Variants in CADPS observed in about 807,000 individuals in gnomAD.
The protein encoded by CADPS is calcium-dependent secretion activator 1.
A neutral mutation model predicts 167.3 loss-of-function variants in CADPS; 57 were observed. The observed-to-expected ratio is 0.34, with a 90% CI of 0.28 to 0.42. The LOEUF (loss-of-function observed/expected upper bound fraction) is 0.42. Ranked by LOEUF, CADPS falls within the 20% of genes least tolerant of loss-of-function variation. The probability of loss-of-function intolerance (pLI) is 1.00; values close to 1 mark genes in which losing one functional copy is unlikely to be tolerated. For synonymous variants in CADPS, 676 were observed against 635.3 expected (o/e 1.06, Z -0.96); for missense variants, 1,414 against 1,738.1 (o/e 0.81, Z 3.32).
rs548821927 is a variant in CADPS at position 62,603,660 on chromosome 3, T to C, written c.1326-10912A>G. Among the ~76,000 whole-genome samples, 12 of 152,310 alleles carry C rather than the reference T, an allele frequency of 7.9e-5. No individual in the cohort carries two copies. In the East Asian group the frequency reaches 2.3e-3, roughly 29 times the overall value. On this transcript the variant is annotated intron_variant, in intron 6 of 29. Coordinates refer to ENST00000383710, the MANE Select transcript of CADPS (RefSeq NM_003716.4). ...GGTATTTGATTTTTAGCATTTCCTT[T>C]TGATTCTTTCTTAGAGCTTCCATCT...
At chr3:62,525,201 T>G (rs940686598) in intron 13 of CADPS, among the ~76,000 whole-genome samples, 1 of 152,122 alleles carries the variant, frequency 6.6e-6, no homozygotes, top group Non-Finnish European at 1.5e-5. Flanking sequence ...TTTCACAAGA[T>G]TTCATGTCTC....
chr3:62,549,814 G>T (rs144034383), intron 11 of CADPS, 89 bp downstream of exon 11: 132 of 982,864 alleles, frequency 1.3e-4, no homozygotes, highest in Middle Eastern at 4.4e-4. Context: ...TAAATTTTAA[G>T]TATAAAAGCA....
intron 28 of CADPS, among the ~76,000 whole-genome samples, chr3:62,428,767 G>A (rs2053308471): frequency 6.6e-6 from 1 of 152,184 alleles, no homozygotes; most frequent in Non-Finnish European, 1.5e-5. Context: ...GTGCAGATCA[G>A]TGGTTCTCAA....
chr3:62,544,232 AC>A lies in CADPS; in HGVS notation c.1966+5670del, dbSNP rs1322824647. Among the ~76,000 whole-genome samples, 1 of 152,018 alleles carries A rather than the reference AC, an allele frequency of 6.6e-6. No homozygotes were observed. Among genetic ancestry groups the A allele is most frequent in the Non-Finnish European group, 1.5e-5 (1 of 68,002 alleles). ...TCTATTGGGTCTTACATTAGAGCAC[AC>A]CCTTAAGCCAGCTAGAATGAACTCT... is the stretch of plus-strand genomic sequence containing the variant. On this transcript the variant is annotated intron_variant, in intron 11 of 29. Transcript: ENST00000383710. The surrounding 1 kb of genome is among the most constrained non-coding windows in gnomAD (Gnocchi z 4.4).
intron 3 of CADPS, among the ~76,000 whole-genome samples, chr3:62,746,920 T>G (rs2081586022): frequency 6.6e-6 from 1 of 152,198 alleles, no homozygotes; most frequent in Non-Finnish European, 1.5e-5. Context: ...GTGGGCATTC[T>G]TTTAAGCTGC....
chr3:62,842,502 T>C (rs1364691489), intron 1 of CADPS, among the ~76,000 whole-genome samples: 1 of 152,220 alleles, frequency 6.6e-6, no homozygotes, highest in Non-Finnish European at 1.5e-5. Context: ...ATTTTCTTCA[T>C]GATTGCCTCA....
chr3:62,610,716 T>C (rs996092931), intron 6 of CADPS, among the ~76,000 whole-genome samples: 1 of 152,288 alleles, frequency 6.6e-6, no homozygotes, highest in African/African-American at 2.4e-5. Flanking sequence ...ATCATTTGAA[T>C]AGCAAGGGGA....
At position 62,408,147 on chromosome 3, in the gene CADPS, C is replaced by A. The variant is rs781365182; in HGVS notation, c.3778-4962G>T. Reference sequence around the variant, plus strand: ...CACTTGGGTCACCCATTCTGCCCTGCAAACATACTGACTTCATGTAGAGAA... The same window carrying A: ...CACTTGGGTCACCCATTCTGCCCTGAAAACATACTGACTTCATGTAGAGAA... On this transcript the variant is annotated intron_variant, in intron 28 of 29. Transcript: ENST00000383710. Among the ~76,000 whole-genome samples, 3 of 152,276 alleles carry A rather than the reference C, an allele frequency of 2.0e-5. No individual in the cohort carries two copies. The South Asian group carries it at 6.2e-4, about 32-fold the overall frequency.
intron 1 of CADPS, among the ~76,000 whole-genome samples, chr3:62,812,100 A>G (rs1379557741): frequency 2.6e-5 from 4 of 152,302 alleles, no homozygotes; most frequent in Admixed American, 2.6e-4. Context: ...GAGGCAAAAT[A>G]CATAATTATA....
chr3:62,513,637 C>T (rs557590790), intron 16 of CADPS: 7 of 1,570,426 alleles, frequency 4.5e-6, no homozygotes, highest in African/African-American at 1.4e-5. Context: ...TAGGTACTCA[C>T]GAATGGTTAA....
In CADPS at chr3:62,807,169, A is replaced by G. The variant is rs2094142977; in HGVS notation, c.442-41185T>C. Among the ~76,000 whole-genome samples, 9 of 152,238 alleles carry G rather than the reference A, an allele frequency of 5.9e-5. 1 individual carries two copies. The highest frequency in any genetic ancestry group is 5.9e-4 in the Admixed American group (9 of 15,284). ...TCTAAATGTCTTGATTACAAACATT[A>G]ATCAGACTTAAATCAACACTGGGGA... On this transcript the variant is annotated intron_variant, in intron 1 of 29. Coordinates refer to ENST00000383710, the MANE Select transcript of CADPS (RefSeq NM_003716.4).
At chr3:62,699,313 C>T (rs998634519) in intron 3 of CADPS, among the ~76,000 whole-genome samples, 13 of 151,638 alleles carry the variant, frequency 8.6e-5, no homozygotes, top group Non-Finnish European at 1.2e-4. Context: ...CTGGGATTAC[C>T]GGCGTGAGCC....
At chr3:62,532,236 TGC>T (rs1310743486) in intron 13 of CADPS, among the ~76,000 whole-genome samples, 1 of 152,164 alleles carries the variant, frequency 6.6e-6, no homozygotes, top group Non-Finnish European at 1.5e-5. Flanking sequence ...CTTGCCATCT[TGC>T]CATTCCATCT....
chr3:62,438,314 G>T lies in CADPS; in HGVS notation c.3670-103C>A. 1.3e-6 allele frequency: 1 copy of T among 780,034 alleles called. No individual in the cohort carries two copies. The highest frequency in any genetic ancestry group is 2.2e-6 in the Non-Finnish European group (1 of 458,312). The allele number at this position is 780,034 out of a possible 1,614,324, so 48.3% of individuals were successfully genotyped here. A position where few individuals can be genotyped will look rare whatever the true frequency, so the allele number is the denominator to read the frequency against. On this transcript the variant is annotated intron_variant, in intron 27 of 29. Coordinates refer to ENST00000383710, the MANE Select transcript of CADPS (RefSeq NM_003716.4). The surrounding 1 kb of genome is among the most constrained non-coding windows in gnomAD (Gnocchi z 4.7). Reference sequence around the variant, plus strand: ...TACTTGCCCTCACACACCCTGAGATGCTTCTGCTGGATCAGCTTTGTAGGC... The same window carrying T: ...TACTTGCCCTCACACACCCTGAGATTCTTCTGCTGGATCAGCTTTGTAGGC...
chr3:62,728,525 C>G (rs1242243112), intron 3 of CADPS, among the ~76,000 whole-genome samples: 5 of 151,776 alleles, frequency 3.3e-5, no homozygotes, highest in Middle Eastern at 3.4e-3. Flanking sequence ...TAATTGTTAC[C>G]AAAGGTCTTC....
chr3:62,579,916 A>G (rs544532763), intron 8 of CADPS, among the ~76,000 whole-genome samples: 13 of 152,178 alleles, frequency 8.5e-5, no homozygotes, highest in Non-Finnish European at 1.8e-4. Flanking sequence ...GGGAGCAGCA[A>G]TGGAGGCTTG....
chr3:62,597,986 A>T (rs2059163256), intron 6 of CADPS, among the ~76,000 whole-genome samples: 1 of 152,162 alleles, frequency 6.6e-6, no homozygotes, highest in African/African-American at 2.4e-5. Context: ...AAAAAACAGC[A>T]AACTCCAAAA....
Position 62,512,733 on chromosome 3 carries a change from C to T in CADPS, c.2599+18G>A, listed in dbSNP as rs775763730. 11 of 1,593,184 alleles carry T rather than the reference C, an allele frequency of 6.9e-6. No individual in the cohort carries two copies. The highest frequency in any genetic ancestry group is 4.0e-5 in the African/African-American group (3 of 74,392). On this transcript the variant is annotated intron_variant, in intron 17 of 29. Transcript: ENST00000383710. ...TCAACAGTCCTGATAATTTATAATG[C>T]ATATACAATTGGTTCACCTGCATCC...
At chr3:62,737,995 T>G (rs2079360983) in intron 3 of CADPS, among the ~76,000 whole-genome samples, 1 of 152,196 alleles carries the variant, frequency 6.6e-6, no homozygotes. Flanking sequence ...CATCAGTTTT[T>G]TGAGAGCAGA....
Sources: allele counts gnomAD v4.1 joint callset (sites outside exome capture counted in the v4.1 genomes callset), GRCh38; gene constraint gnomAD v4.1.1; non-coding constraint Gnocchi (gnomAD v3.1); transcripts MANE v1.5; gene names NCBI Gene and HGNC (gene_info 2026-07-23, HGNC 2026-07-21).